LYPLAL1: variants seen among roughly 807,000 people sequenced by gnomAD.
The protein encoded by LYPLAL1 is lysophospholipase-like protein 1.
LYPLAL1 carries 23 observed loss-of-function variants against 19.7 expected under a neutral mutation model. The observed-to-expected ratio is 1.17, with a 90% CI of 0.84 to 1.65. The LOEUF is 1.65. Ranked by LOEUF, LYPLAL1 falls within the 40% of genes most tolerant of loss-of-function variation. The probability of loss-of-function intolerance (pLI) is 0.00; values close to 1 mark genes in which losing one functional copy is unlikely to be tolerated. For missense variants in LYPLAL1, 355 were observed against 279.4 expected (o/e 1.27, Z -1.93); for synonymous variants, 119 against 96.3 (o/e 1.24, Z -1.38).
At chr1:219,314,008 CTGT>C in the LYPLAL1 span, among the ~76,000 whole-genome samples, 1 of 152,308 alleles carries the variant, frequency 6.6e-6, no homozygotes, top group African/African-American at 2.4e-5. Flanking sequence ...GCCCCAGTGT[CTGT>C]TGTTCCCTTC....
downstream of LYPLAL1, among the ~76,000 whole-genome samples, chr1:219,215,353 A>T (rs1659253640): frequency 6.6e-6 from 1 of 151,966 alleles, no homozygotes; most frequent in Non-Finnish European, 1.5e-5. Context: ...GTTCTTCTGT[A>T]TCTATTGTGT....
At chr1:219,290,087 TG>T in the LYPLAL1 span, among the ~76,000 whole-genome samples, 4 of 152,208 alleles carry the variant, frequency 2.6e-5, no homozygotes, top group African/African-American at 9.7e-5. Context: ...ATGTCAGCCT[TG>T]GAGAAACAAC....
At chr1:219,251,755 A>C in the LYPLAL1 span, among the ~76,000 whole-genome samples, 1 of 152,056 alleles carries the variant, frequency 6.6e-6, no homozygotes, top group Non-Finnish European at 1.5e-5. Context: ...TGTGTTGTCT[A>C]TTCAGGCTCC....
At chr1:219,289,721 A>G in the LYPLAL1 span, among the ~76,000 whole-genome samples, 1 of 152,126 alleles carries the variant, frequency 6.6e-6, no homozygotes, top group Non-Finnish European at 1.5e-5. Flanking sequence ...TTTCAAGCGT[A>G]TTGTTTTAGT....
the LYPLAL1 span, among the ~76,000 whole-genome samples, chr1:219,261,537 A>G: frequency 6.6e-6 from 1 of 152,084 alleles, no homozygotes; most frequent in Non-Finnish European, 1.5e-5. Flanking sequence ...ACTCCTTTTA[A>G]CCTTTCTTGT....
At chr1:219,199,519 T>G (rs1254580995) in intron 3 of LYPLAL1, among the ~76,000 whole-genome samples, 1 of 151,814 alleles carries the variant, frequency 6.6e-6, no homozygotes, top group East Asian at 1.9e-4. Flanking sequence ...CTCGGCTCAC[T>G]GCAACCTCCA....
chr1:219,351,107 T>G, the LYPLAL1 span, among the ~76,000 whole-genome samples: 2 of 151,928 alleles, frequency 1.3e-5, no homozygotes, highest in South Asian at 2.1e-4. Flanking sequence ...GTGCAGCTTC[T>G]GTAATATCAT....
At chr1:219,441,953 AT>A in the LYPLAL1 span, among the ~76,000 whole-genome samples, 1 of 152,184 alleles carries the variant, frequency 6.6e-6, no homozygotes. Flanking sequence ...AATGAGAGCA[AT>A]TCCAAAAATA....
At chr1:219,262,001 G>A in the LYPLAL1 span, among the ~76,000 whole-genome samples, 16,515 of 152,002 alleles carry the variant, frequency 0.11, 1,227 homozygotes, top group Non-Finnish European at 0.17. Context: ...AGGTTTAGTC[G>A]TTTAACATAA....
chr1:219,411,865 T>C, the LYPLAL1 span: 22 of 166,896 alleles, frequency 1.3e-4, 1 homozygote, highest in Non-Finnish European at 2.7e-4. Context: ...GGTCCGTGGC[T>C]TCATTCTTGA....
At chr1:219,183,618 A>T (rs560262257) in intron 2 of LYPLAL1, among the ~76,000 whole-genome samples, 2 of 151,948 alleles carry the variant, frequency 1.3e-5, no homozygotes, top group African/African-American at 4.8e-5. Flanking sequence ...TATTGTTTGC[A>T]TATCTATTAC....
the LYPLAL1 span, among the ~76,000 whole-genome samples, chr1:219,234,811 A>T: frequency 6.6e-6 from 1 of 152,146 alleles, no homozygotes; most frequent in East Asian, 1.9e-4. Context: ...ATGTTCACTC[A>T]ATCGAGTGCA....
the LYPLAL1 span, among the ~76,000 whole-genome samples, chr1:219,436,740 G>A: frequency 6.6e-6 from 1 of 152,180 alleles, no homozygotes; most frequent in African/African-American, 2.4e-5. Context: ...ATTATGAAGA[G>A]CGTTGAGTTA....
the LYPLAL1 span, among the ~76,000 whole-genome samples, chr1:219,279,343 C>T: frequency 6.6e-6 from 1 of 152,176 alleles, no homozygotes; most frequent in Non-Finnish European, 1.5e-5. Flanking sequence ...TGGGGCACGC[C>T]ATCAGGTAAT....
At chr1:219,304,647 T>A in the LYPLAL1 span, among the ~76,000 whole-genome samples, 1 of 152,190 alleles carries the variant, frequency 6.6e-6, no homozygotes, top group Non-Finnish European at 1.5e-5. Flanking sequence ...TAAAGTCGTG[T>A]ATAATTAAGT....
At chr1:219,275,860 A>T in the LYPLAL1 span, among the ~76,000 whole-genome samples, 3 of 152,088 alleles carry the variant, frequency 2.0e-5, no homozygotes, top group African/African-American at 7.2e-5. Flanking sequence ...CTAAGACACT[A>T]CTCTAACTAA....
the LYPLAL1 span, among the ~76,000 whole-genome samples, chr1:219,345,663 G>A: frequency 1.3e-5 from 2 of 152,172 alleles, no homozygotes; most frequent in Non-Finnish European, 2.9e-5. Context: ...GGTGGGTGAG[G>A]TGGAGAGCAA....
intron 3 of LYPLAL1, among the ~76,000 whole-genome samples, chr1:219,206,704 G>A (rs1658595289): frequency 6.6e-6 from 1 of 151,010 alleles, no homozygotes; most frequent in Non-Finnish European, 1.5e-5. Context: ...TTATGTGCGG[G>A]TAAATGTTTT....
At chr1:219,214,489 T>A (rs535700423), downstream of LYPLAL1, among the ~76,000 whole-genome samples, 22 of 152,194 alleles carry the variant, frequency 1.4e-4, 1 homozygote, top group South Asian at 3.9e-3. Flanking sequence ...TTTAGTGAAA[T>A]CATCTGGGCC....
Sources: gnomAD v4.1 joint callset for allele counts (sites outside exome capture counted in the v4.1 genomes callset) on GRCh38, gnomAD v4.1.1 for gene constraint, MANE v1.5 for transcripts, NCBI Gene and HGNC (gene_info 2026-07-23, HGNC 2026-07-21) for gene names.